The following TMTC1 variants were observed in gnomAD, a reference collection of about 807,000 sequenced individuals.
TMTC1 encodes the protein transmembrane O-mannosyltransferase targeting cadherins 1, also known as protein O-mannosyl-transferase TMTC1.
A neutral mutation model predicts 104.8 loss-of-function variants in TMTC1; 73 were observed. That is an observed-to-expected ratio of 0.70 (90% CI 0.58 to 0.85). The LOEUF (loss-of-function observed/expected upper bound fraction) is 0.85, where lower values mean the gene tolerates loss of function less well. TMTC1 is among the 40% of genes least tolerant of loss of function. The pLI, the probability that TMTC1 is intolerant of heterozygous loss-of-function variation, is 0.00. For missense variants in TMTC1, 1,035 were observed against 1,096.1 expected, an observed-to-expected ratio of 0.94 and a Z score of 0.79; for synonymous variants, 434 against 428.7, an observed-to-expected ratio of 1.01 and a Z score of -0.15.
At chr12:29,532,308 G>A (rs1013167149) in intron 11 of TMTC1, among the ~76,000 whole-genome samples, 18 of 151,890 alleles carry the variant, frequency 1.2e-4, no homozygotes, top group African/African-American at 3.6e-4. Context: ...TTGGTAACAC[G>A]TCTCAAGACT....
intron 5 of TMTC1, among the ~76,000 whole-genome samples, chr12:29,668,352 A>C (rs1316728917): frequency 1.3e-5 from 2 of 152,024 alleles, no homozygotes; most frequent in East Asian, 1.9e-4. Context: ...GCGTTGACTA[A>C]TGCACCTCCC....
intron 5 of TMTC1, chr12:29,661,461 G>C (rs61922225): frequency 1.7e-5 from 7 of 403,740 alleles, no homozygotes; most frequent in African/African-American, 1.5e-4. Context: ...TTTGCTCGTC[G>C]CCCAGGCTGG....
intron 5 of TMTC1, among the ~76,000 whole-genome samples, chr12:29,709,389 T>C (rs1013227458): frequency 6.6e-5 from 10 of 151,990 alleles, no homozygotes; most frequent in African/African-American, 2.4e-4. Context: ...GATAATTCAC[T>C]TAAAAAAGCT....
intron 15 of TMTC1, among the ~76,000 whole-genome samples, chr12:29,515,613 G>A (rs1325434068): frequency 2.0e-5 from 3 of 152,062 alleles, no homozygotes; most frequent in Non-Finnish European, 4.4e-5. Context: ...CAGACTCATC[G>A]GGTCCCCTGA....
intron 1 of TMTC1, 68 bp from the exon 2 acceptor site, chr12:29,768,143 A>C (rs910747508): frequency 8.5e-6 from 9 of 1,064,312 alleles, no homozygotes; most frequent in Non-Finnish European, 1.2e-5. Context: ...CAAGGAACAC[A>C]GACGGAATCC....
intron 11 of TMTC1, among the ~76,000 whole-genome samples, chr12:29,530,889 T>C (rs958082564): frequency 3.3e-5 from 5 of 152,350 alleles, no homozygotes; most frequent in Non-Finnish European, 7.3e-5. Context: ...AAGCTTTTCC[T>C]TTCACTTTTA....
chr12:29,650,081 T>C (rs1446747658), intron 5 of TMTC1, among the ~76,000 whole-genome samples: 1 of 151,694 alleles, frequency 6.6e-6, no homozygotes, highest in Non-Finnish European at 1.5e-5. Context: ...TTTTTTCTTT[T>C]CTTTTCTTTT....
intron 2 of TMTC1, among the ~76,000 whole-genome samples, chr12:29,766,456 C>A (rs1467835260): frequency 2.0e-5 from 3 of 152,198 alleles, no homozygotes; most frequent in African/African-American, 7.2e-5. Context: ...ATGTTATATT[C>A]TTCATAGAGA....
chr12:29,629,868 T>G (rs1265517749), intron 6 of TMTC1, among the ~76,000 whole-genome samples: 1 of 152,230 alleles, frequency 6.6e-6, no homozygotes, highest in Non-Finnish European at 1.5e-5. Context: ...TCATTCAAAT[T>G]TTTTTCATTC....
chr12:29,569,930 G>A (rs1010787777), intron 9 of TMTC1, among the ~76,000 whole-genome samples: 1 of 152,116 alleles, frequency 6.6e-6, no homozygotes, highest in Non-Finnish European at 1.5e-5. Flanking sequence ...GCAAAGAAAC[G>A]GAAGTACCCA....
chr12:29,652,690 C>A (rs1467275798), intron 5 of TMTC1, among the ~76,000 whole-genome samples: 1 of 152,174 alleles, frequency 6.6e-6, no homozygotes, highest in Non-Finnish European at 1.5e-5. Context: ...GATATGGTTT[C>A]TGCCCTTGAG....
At chr12:29,661,473 G>A in intron 5 of TMTC1, 1 of 264,798 alleles carries the variant, frequency 3.8e-6, no homozygotes, top group South Asian at 1.4e-4. Context: ...CCAGGCTGGA[G>A]TGCAGTGGTG....
intron 10 of TMTC1, among the ~76,000 whole-genome samples, chr12:29,549,740 G>C (rs1440116250): frequency 1.3e-5 from 2 of 152,118 alleles, no homozygotes; most frequent in Admixed American, 6.6e-5. Flanking sequence ...TAAGGGATGA[G>C]GTTGTCTTCT....
At chr12:29,759,566 T>C (rs2120365855) in intron 2 of TMTC1, among the ~76,000 whole-genome samples, 1 of 152,208 alleles carries the variant, frequency 6.6e-6, no homozygotes, top group East Asian at 1.9e-4. Flanking sequence ...TATATGTGTA[T>C]GTGCATGTGT....
chr12:29,657,503 A>G (rs1429025399), intron 5 of TMTC1, among the ~76,000 whole-genome samples: 1 of 152,250 alleles, frequency 6.6e-6, no homozygotes, highest in Non-Finnish European at 1.5e-5. Context: ...TACAGGTTCT[A>G]CACTGCTGAG....
At chr12:29,777,850 C>T (rs1287757078) in intron 1 of TMTC1, among the ~76,000 whole-genome samples, 3 of 152,174 alleles carry the variant, frequency 2.0e-5, no homozygotes, top group Non-Finnish European at 4.4e-5. Flanking sequence ...AGAAAACAAA[C>T]TTATCAGCCT....
chr12:29,747,961 G>T (rs1256958055), intron 5 of TMTC1, among the ~76,000 whole-genome samples: 1 of 152,130 alleles, frequency 6.6e-6, no homozygotes, highest in African/African-American at 2.4e-5. Flanking sequence ...TGATAACGTT[G>T]CCTCTTCCAA....
chr12:29,715,692 G>A (rs1310787429), intron 5 of TMTC1, among the ~76,000 whole-genome samples: 1 of 152,164 alleles, frequency 6.6e-6, no homozygotes, highest in Non-Finnish European at 1.5e-5. Context: ...ATAAAGAAAA[G>A]AGGTTTAATT....
At chr12:29,650,905 A>T (rs1007825762) in intron 5 of TMTC1, among the ~76,000 whole-genome samples, 5 of 152,208 alleles carry the variant, frequency 3.3e-5, no homozygotes, top group African/African-American at 1.2e-4. Flanking sequence ...CTAGACCTGG[A>T]ATTTCCCTCA....
Sources: gnomAD v4.1 joint callset for allele counts (sites outside exome capture counted in the v4.1 genomes callset) on GRCh38, gnomAD v4.1.1 for gene constraint, MANE v1.5 for transcripts, NCBI Gene and HGNC (gene_info 2026-07-23, HGNC 2026-07-21) for gene names.